Variants in ANKFY1 observed in about 807,000 individuals in gnomAD.
The protein encoded by ANKFY1 is ankyrin repeat and FYVE domain containing 1.
A neutral mutation model predicts 128.3 loss-of-function variants in ANKFY1; 47 were observed. The observed-to-expected ratio is 0.37, with a 90% CI of 0.29 to 0.47. The LOEUF is 0.47. Ranked by LOEUF, ANKFY1 falls within the 20% of genes least tolerant of loss-of-function variation. The pLI, the probability that ANKFY1 is intolerant of heterozygous loss-of-function variation, is 1.00. For missense variants in ANKFY1, 1,222 were observed against 1,510.6 expected, an observed-to-expected ratio of 0.81 and a Z score of 3.17; for synonymous variants, 553 against 601.6, an observed-to-expected ratio of 0.92 and a Z score of 1.18.
rs2143004247 is a variant in ANKFY1 at position 4,182,032 on chromosome 17, T to TAG, written c.2121+148_2121+149insCT. The TAG allele has an allele frequency of 8.5e-6, 7 of 822,300 alleles. No individual in the cohort carries two copies. The East Asian group carries it at 2.2e-4, about 25-fold the overall frequency. The allele number at this position is 822,300 out of a possible 1,614,324, so 50.9% of individuals were successfully genotyped here. A position where few individuals can be genotyped will look rare whatever the true frequency, so the allele number is the denominator to read the frequency against. ...AGCCAAGACCATGTTGAACTGCAAG[T>TAG]TTCTTTAACATGCTTTCAACTGCTT... On this transcript the variant is annotated intron_variant, in intron 15 of 24. Coordinates refer to ENST00000341657, the MANE Select transcript of ANKFY1 (RefSeq NM_001330063.2).
At chr17:4,256,880 T>A (rs1377563461) in intron 1 of ANKFY1, among the ~76,000 whole-genome samples, 1 of 152,152 alleles carries the variant, frequency 6.6e-6, no homozygotes, top group Non-Finnish European at 1.5e-5. Flanking sequence ...CTTACACATC[T>A]TTCAAAAGCT....
chr17:4,178,915 A>G lies in ANKFY1; in HGVS notation c.2540T>C (p.Phe847Ser). The stretch of plus-strand genomic sequence containing the variant: ...GGCCTCGGCTGACTTGTTGTTCTTG[A>G]AAGTCATGGCACAGGCAAACGGGGT... ...GLTPFACAMTFKNNKSAEAIL... is the reference protein window; with the variant it reads ...GLTPFACAMTSKNNKSAEAIL... The change falls in exon 18 of 25, where the codon TTC becomes TCC. Residue 847 changes from phenylalanine to serine, a missense_variant. Transcript: ENST00000341657. This position sits in a 1 kb window ranked among gnomAD's most constrained non-coding sequence, Gnocchi z 4.1. The G allele has an allele frequency of 3.1e-6, 5 of 1,614,188 alleles. No homozygotes were observed. Among genetic ancestry groups the G allele is most frequent in the South Asian group, 2.2e-5 (2 of 91,086 alleles).
chr17:4,188,333 G>C (rs1369526481), intron 11 of ANKFY1: 1 of 152,322 alleles, frequency 6.6e-6, no homozygotes, highest in African/African-American at 2.4e-5. Flanking sequence ...AGATACACTT[G>C]TCTGGCTCAG....
In ANKFY1 at chr17:4,184,914, T is replaced by C; in HGVS notation, c.1603A>G (p.Thr535Ala). Residue 535 changes from threonine (T) to alanine (A), a missense_variant, in exon 12 of 25, where the codon ACC becomes GCC. Transcript: ENST00000341657. The stretch of plus-strand genomic sequence containing the variant: ...AGATGGACGCTGTCCGCCAAGCTGG[T>C]CAGGGATGCGGCCTCCTTTGGCAGA... ...LPLPKEAASL[T>A]SLADSVHLQT... is the part of the protein sequence containing the mutation. 1 of 1,614,096 alleles carries C rather than the reference T, an allele frequency of 6.2e-7. No individual in the cohort carries two copies. The highest frequency in any genetic ancestry group is 1.1e-5 in the South Asian group (1 of 91,088).
intron 7 of ANKFY1, among the ~76,000 whole-genome samples, chr17:4,203,786 G>C (rs2143014116): frequency 7.5e-6 from 1 of 133,792 alleles, no homozygotes; most frequent in African/African-American, 2.8e-5. Flanking sequence ...TTGCACTCCA[G>C]CCTGGGTGAC....
chr17:4,175,680 C>G (rs74722448), intron 19 of ANKFY1, among the ~76,000 whole-genome samples: 2 of 152,000 alleles, frequency 1.3e-5, no homozygotes, highest in Non-Finnish European at 2.9e-5. Flanking sequence ...AATCACTGAT[C>G]GATAAGACAT....
At chr17:4,261,408 A>AG (rs1420506380) in intron 1 of ANKFY1, among the ~76,000 whole-genome samples, 1 of 152,136 alleles carries the variant, frequency 6.6e-6, no homozygotes, top group Non-Finnish European at 1.5e-5. Context: ...TGAACCCAGG[A>AG]GGTGGAGGCT....
At chr17:4,177,426 C>A in intron 18 of ANKFY1, 124 bp from the exon 19 acceptor site, 2 of 816,824 alleles carry the variant, frequency 2.4e-6, no homozygotes, top group Non-Finnish European at 3.6e-6. Flanking sequence ...TCTTAGGAAA[C>A]CCCCTCCCAA....
At chr17:4,235,973 G>C in intron 2 of ANKFY1, 83 bp from the exon 3 acceptor site, 1 of 962,538 alleles carries the variant, frequency 1.0e-6, no homozygotes. Context: ...ATAAACACAT[G>C]AGTATTCATC....
At chr17:4,234,874 G>T (rs1966864724) in intron 3 of ANKFY1, among the ~76,000 whole-genome samples, 2 of 151,946 alleles carry the variant, frequency 1.3e-5, no homozygotes, top group Non-Finnish European at 2.9e-5. Context: ...CAATGCTGTG[G>T]GATACATATA....
At chr17:4,253,995 G>A (rs1485200808) in intron 1 of ANKFY1, among the ~76,000 whole-genome samples, 1 of 152,126 alleles carries the variant, frequency 6.6e-6, no homozygotes, top group Non-Finnish European at 1.5e-5. Context: ...GCACGTAACT[G>A]TTCATGTATC....
At chr17:4,176,726 T>C (rs1056107596) in intron 19 of ANKFY1, among the ~76,000 whole-genome samples, 2 of 152,260 alleles carry the variant, frequency 1.3e-5, no homozygotes, top group Non-Finnish European at 2.9e-5. Flanking sequence ...TAAAATTCTT[T>C]CTCGGCCTAC....
At chr17:4,183,950 A>C in intron 12 of ANKFY1, 40 bp from the exon 13 acceptor site, 1 of 1,534,102 alleles carries the variant, frequency 6.5e-7, no homozygotes. Context: ...TGATGTCACC[A>C]TCTGTGGATC....
intron 1 of ANKFY1, among the ~76,000 whole-genome samples, chr17:4,256,056 C>T (rs977587499): frequency 4.6e-5 from 7 of 151,636 alleles, no homozygotes; most frequent in African/African-American, 7.3e-5. Context: ...GATCTTGTGA[C>T]CTGCCCGCCT....
rs1405629655 is a variant in ANKFY1 at position 4,183,365 on chromosome 17, TGGTGTTA to T, written c.1952+26_1952+32del. 4 of 1,599,634 alleles carry T rather than the reference TGGTGTTA, an allele frequency of 2.5e-6. No homozygotes were observed. The Admixed American group carries it at 5.0e-5, about 20-fold the overall frequency. ...TTTGACATCTCAATTAATTGTTACC[TGGTGTTA>T]GGTGGAGAGAGCGGCTTCCTCCTAC... On this transcript the variant is annotated intron_variant, in intron 14 of 24. Coordinates refer to ENST00000341657, the MANE Select transcript of ANKFY1 (RefSeq NM_001330063.2).
At chr17:4,243,172 T>C (rs1450332738) in intron 1 of ANKFY1, among the ~76,000 whole-genome samples, 3 of 152,144 alleles carry the variant, frequency 2.0e-5, no homozygotes, top group Non-Finnish European at 4.4e-5. Flanking sequence ...GTTCAAGCGA[T>C]TCTCCTGCCT....
chr17:4,184,662 A>G (rs2059578121), intron 12 of ANKFY1, among the ~76,000 whole-genome samples, 156 bp downstream of exon 12: 1 of 152,246 alleles, frequency 6.6e-6, no homozygotes, highest in Non-Finnish European at 1.5e-5. Context: ...CAAGAGCCAG[A>G]CTACATGCTT....
At chr17:4,188,406 C>G (rs2059650741) in intron 11 of ANKFY1, 1 of 152,204 alleles carries the variant, frequency 6.6e-6, no homozygotes, top group African/African-American at 2.4e-5. Context: ...ACTAGATAGC[C>G]TTGTGCTGGA....
At chr17:4,224,009 T>C (rs2060375481) in intron 3 of ANKFY1, among the ~76,000 whole-genome samples, 2 of 152,248 alleles carry the variant, frequency 1.3e-5, no homozygotes, top group Admixed American at 1.3e-4. Context: ...ATATCACTTT[T>C]ATTAGGTTGA....
Sources: gnomAD v4.1 joint callset for allele counts (sites outside exome capture counted in the v4.1 genomes callset) on GRCh38, gnomAD v4.1.1 for gene constraint, Gnocchi (gnomAD v3.1) non-coding constraint, MANE v1.5 for transcripts, NCBI Gene and HGNC (gene_info 2026-07-23, HGNC 2026-07-21) for gene names.